Variants in CHODL observed in about 807,000 individuals in gnomAD.
CHODL encodes chondrolectin.
Under a neutral mutation model 34.5 loss-of-function variants are expected in CHODL, and 29 were observed. The ratio of observed to expected loss-of-function variants is 0.84; its 90% CI spans 0.63 to 1.15. The LOEUF (loss-of-function observed/expected upper bound fraction) is 1.15. CHODL is among the 50% of genes most tolerant of loss of function. The pLI is 0.00. For missense variants in CHODL, 332 were observed against 332.5 expected (o/e 1.00, Z 0.01); for synonymous variants, 125 against 116.1 (o/e 1.08, Z -0.49).
chr21:18,089,813 G>T (rs158038), intron 2 of CHODL, among the ~76,000 whole-genome samples: 54,538 of 152,028 alleles, frequency 0.36, 12,173 homozygotes, highest in Non-Finnish European at 0.51. Flanking sequence ...CACACTTATT[G>T]CAAATAGAAA....
rs1016871972 is a variant in CHODL at position 18,030,556 on chromosome 21, G to T, written c.-45+2585G>T. ...TAAGCATTGGATAATCTGTTACATA[G>T]AAATACATAAGTAATTAAATGTCCT... On this transcript the variant is annotated intron_variant, in intron 2 of 6. Transcript: ENST00000400127. Among the ~76,000 whole-genome samples the T allele has an allele frequency of 9.7e-4, 148 of 152,222 alleles. 1 individual carries two copies. Among genetic ancestry groups the T allele is most frequent in the African/African-American group, 3.4e-3 (143 of 41,558 alleles).
rs1048855783 is a variant in CHODL at position 17,986,664 on chromosome 21, G to A, written c.-144-41208G>A. Among the ~76,000 whole-genome samples, 21 of 152,242 alleles carry A rather than the reference G, an allele frequency of 1.4e-4. 2 individuals are homozygous for A. The South Asian group carries it at 3.3e-3, about 24-fold the overall frequency. On this transcript the variant is annotated intron_variant, in intron 1 of 6. Coordinates refer to the CHODL transcript ENST00000400127. ...CTTTATCACAGAATGATTTATAATC[G>A]TTTGTGTATATACCCAGTAATGGGA...
intron 1 of CHODL, among the ~76,000 whole-genome samples, chr21:18,025,206 C>T (rs1231591785): frequency 6.6e-6 from 1 of 152,112 alleles, no homozygotes; most frequent in Non-Finnish European, 1.5e-5. Context: ...TATGTTTCTT[C>T]TAAAAAATTA....
At chr21:17,995,719 T>C (rs1480939379) in intron 1 of CHODL, among the ~76,000 whole-genome samples, 1 of 152,226 alleles carries the variant, frequency 6.6e-6, no homozygotes, top group Non-Finnish European at 1.5e-5. Flanking sequence ...TGTACCTACA[T>C]CTTTAGGTCA....
intron 1 of CHODL, among the ~76,000 whole-genome samples, chr21:17,994,812 G>T (rs1278540808): frequency 6.6e-6 from 1 of 152,168 alleles, no homozygotes; most frequent in East Asian, 1.9e-4. Context: ...AGCAGTGGCA[G>T]TTAGTAGATT....
At chr21:18,209,961 G>GAGCTGCA (rs934184347) in intron 2 of CHODL, among the ~76,000 whole-genome samples, 3 of 152,096 alleles carry the variant, frequency 2.0e-5, no homozygotes, top group Non-Finnish European at 4.4e-5. Flanking sequence ...TTTTCTCCTG[G>GAGCTGCA]AGCTGCAAGC....
At chr21:18,118,260 CTG>C (rs2065437029) in intron 2 of CHODL, among the ~76,000 whole-genome samples, 1 of 152,130 alleles carries the variant, frequency 6.6e-6, no homozygotes, top group Non-Finnish European at 1.5e-5. Flanking sequence ...TTTAGGTACT[CTG>C]AGAGATGCAA....
chr21:18,009,106 C>T (rs2063986786), intron 1 of CHODL, among the ~76,000 whole-genome samples: 1 of 152,178 alleles, frequency 6.6e-6, no homozygotes, highest in African/African-American at 2.4e-5. Flanking sequence ...ATTGCATTCT[C>T]ATCATTCTTC....
At chr21:18,019,862 G>A (rs926195124) in intron 1 of CHODL, among the ~76,000 whole-genome samples, 12 of 152,210 alleles carry the variant, frequency 7.9e-5, no homozygotes, top group South Asian at 2.1e-4. Context: ...TTGATCAGAA[G>A]AAAAGCAATA....
At chr21:18,016,205 G>A (rs769565698) in intron 1 of CHODL, among the ~76,000 whole-genome samples, 2 of 152,202 alleles carry the variant, frequency 1.3e-5, no homozygotes, top group Non-Finnish European at 2.9e-5. Flanking sequence ...ATAGTTTTGT[G>A]GGCCAGATCC....
intron 2 of CHODL, among the ~76,000 whole-genome samples, chr21:18,199,912 A>T (rs1347243332): frequency 6.6e-6 from 1 of 152,188 alleles, no homozygotes; most frequent in African/African-American, 2.4e-5. Flanking sequence ...GCTGTAATCA[A>T]TCATTCATAC....
At chr21:17,925,178 G>A (rs1433997766) in intron 1 of CHODL, among the ~76,000 whole-genome samples, 2 of 152,168 alleles carry the variant, frequency 1.3e-5, no homozygotes, top group African/African-American at 4.8e-5. Flanking sequence ...AGCAGCCTCT[G>A]TAAATTCCAC....
At chr21:18,068,527 C>T (rs1466172044) in intron 2 of CHODL, among the ~76,000 whole-genome samples, 1 of 152,106 alleles carries the variant, frequency 6.6e-6, no homozygotes, top group Non-Finnish European at 1.5e-5. Flanking sequence ...CTCTAAAATT[C>T]TTCTCACCAA....
chr21:18,086,044 T>C (rs2065003109), intron 2 of CHODL, among the ~76,000 whole-genome samples: 1 of 65,354 alleles, frequency 1.5e-5, no homozygotes, highest in African/African-American at 7.4e-5. Flanking sequence ...CTTTGTTCTT[T>C]TTTTTTTTTT....
At chr21:18,221,762 C>G (rs1457336513) in intron 2 of CHODL, among the ~76,000 whole-genome samples, 1 of 152,206 alleles carries the variant, frequency 6.6e-6, no homozygotes, top group African/African-American at 2.4e-5. Flanking sequence ...CTAGATGGCA[C>G]TTACAGGTAT....
At chr21:18,093,794 TA>T (rs1289137805) in intron 2 of CHODL, among the ~76,000 whole-genome samples, 9 of 151,808 alleles carry the variant, frequency 5.9e-5, no homozygotes, top group South Asian at 2.1e-4. Context: ...TCACCTTCAC[TA>T]AAAGACAGGA....
chr21:18,060,634 A>C (rs1372791458), intron 2 of CHODL, among the ~76,000 whole-genome samples: 1 of 149,426 alleles, frequency 6.7e-6, no homozygotes, highest in African/African-American at 2.5e-5. Context: ...AATCAAAAGC[A>C]GAAAAACTGG....
intron 5 of CHODL, 77 bp from the exon 6 acceptor site, chr21:18,265,877 T>C: frequency 1.8e-6 from 2 of 1,142,242 alleles, no homozygotes; most frequent in Non-Finnish European, 2.5e-6. Context: ...CTGTCTGAGA[T>C]ATCTCCCTTT....
At chr21:17,917,544 C>T (rs1326215719) in intron 1 of CHODL, 1 of 151,996 alleles carries the variant, frequency 6.6e-6, no homozygotes, top group African/African-American at 2.4e-5. Flanking sequence ...GTGTACCAGA[C>T]TCTGGAGGGG....
Sources: allele counts gnomAD v4.1 joint callset (sites outside exome capture counted in the v4.1 genomes callset), GRCh38; gene constraint gnomAD v4.1.1; transcripts MANE v1.5; gene names NCBI Gene and HGNC (gene_info 2026-07-23, HGNC 2026-07-21).